GJB1: variants seen among roughly 807,000 people sequenced by gnomAD.
GJB1 encodes the protein gap junction protein beta 1.
GJB1 carries 1 observed loss-of-function variant against 12.0 expected under a neutral mutation model. The ratio of observed to expected loss-of-function variants is 0.08; its 90% CI spans 0.03 to 0.40. The LOEUF is 0.40. Among genes scored for constraint, GJB1 ranks in the 10% least tolerant of loss-of-function variants. The probability of loss-of-function intolerance (pLI) is 0.98; values close to 1 mark genes in which losing one functional copy is unlikely to be tolerated. For missense variants in GJB1, 140 were observed against 250.3 expected, an observed-to-expected ratio of 0.56 and a Z score of 2.97; for synonymous variants, 114 against 102.8, an observed-to-expected ratio of 1.11 and a Z score of -0.66.
Position 71,224,690 on chromosome X carries a change from T to C in GJB1, c.*131T>C. On this transcript the variant is annotated 3_prime_UTR_variant, in exon 2 of 2. Coordinates refer to ENST00000361726, the MANE Select transcript of GJB1 (RefSeq NM_000166.6). ...ATCAAAACCTTCCTTCCCTGGCTAC[T>C]TCCCTTCCTCCCGGGGCCTTCCTTT... is the stretch of plus-strand genomic sequence containing the variant. The C allele has an allele frequency of 1.6e-6, 1 of 618,712 alleles. No homozygotes were observed. Among genetic ancestry groups the C allele is most frequent in the Non-Finnish European group, 2.6e-6 (1 of 382,067 alleles). 51.0% of individuals were successfully genotyped at this position (618,712 alleles called of 1,213,427 possible). A position where few individuals can be genotyped will look rare whatever the true frequency, so the allele number is the denominator to read the frequency against.
Position 71,223,619 on chromosome X carries a change from G to A in GJB1, c.-16-73G>A. ...TCTTGGAAGAGTTGAGGGGGGGTGC[G>A]CAGGCAGTGCTATGGCGCCCGACTT... is the stretch of plus-strand genomic sequence containing the variant. On this transcript the variant is annotated intron_variant, in intron 1 of 1. Coordinates refer to ENST00000361726, the MANE Select transcript of GJB1 (RefSeq NM_000166.6). The A allele has an allele frequency of 1.0e-5, 10 of 985,460 alleles. No individual in the cohort carries two copies. In the Middle Eastern group the frequency reaches 8.0e-4, roughly 79 times the overall value. 81.2% of individuals were successfully genotyped at this position (985,460 alleles called of 1,213,427 possible).
chrX:71,221,444 C>T (rs966121840), upstream of GJB1, among the ~76,000 whole-genome samples: 7 of 110,527 alleles, frequency 6.3e-5, no homozygotes, highest in African/African-American at 2.0e-4. Context: ...TTCTTTCATC[C>T]CATTTCCCAA....
At position 71,224,334 on chromosome X, in the gene GJB1, G is replaced by A; in HGVS notation, c.627G>A (p.Val209=). The change falls in exon 2 of 2, where the codon GTG becomes GTA. Residue 209 remains valine (V), a synonymous_variant. Transcript: ENST00000361726. ...GCATCATCCTCAATGTGGCCGAGGT[G>A]GTGTACCTCATCATCCGGGCCTGTG... is the stretch of plus-strand genomic sequence containing the variant. The part of the protein sequence containing the change: ...GICIILNVAE[V]VYLIIRACAR... The A allele has an allele frequency of 5.0e-6, 6 of 1,209,069 alleles. No homozygotes were observed. Among genetic ancestry groups the A allele is most frequent in the Non-Finnish European group, 5.6e-6 (5 of 895,093 alleles).
At chrX:71,217,247 A>G (rs945527888) in intron 1 of GJB1, among the ~76,000 whole-genome samples, 7 of 112,309 alleles carry the variant, frequency 6.2e-5, no homozygotes, top group Admixed American at 9.5e-5. Context: ...AGCGCCATAT[A>G]CAAAGACTTT....
Position 71,224,535 on chromosome X carries a change from G to C in GJB1, c.828G>C (p.Lys276Asn). The stretch of plus-strand genomic sequence containing the variant: ...GCACCGGGGCTGGGCTGGCTGAAAA[G>C]AGCGACCGCTGCTCGGCCTGCTGAT... ...SPGTGAGLAE[K>N]SDRCSAC The change falls in exon 2 of 2, where the codon AAG (lysine) becomes AAC (asparagine). Residue 276 changes from lysine to asparagine, a missense_variant. Coordinates refer to ENST00000361726, the MANE Select transcript of GJB1 (RefSeq NM_000166.6). 1 of 1,191,418 alleles carries C rather than the reference G, an allele frequency of 8.4e-7. No homozygotes were observed. The highest frequency in any genetic ancestry group is 1.1e-6 in the Non-Finnish European group (1 of 885,312).
chrX:71,224,816 C>A lies in GJB1; in HGVS notation c.*257C>A. 2.3e-6 allele frequency: 1 copy of A among 439,076 alleles called. No individual in the cohort carries two copies. The highest frequency in any genetic ancestry group is 3.9e-5 in the East Asian group (1 of 25,934). The allele number at this position is 439,076 out of a possible 1,213,427, so 36.2% of individuals were successfully genotyped here. A position where few individuals can be genotyped will look rare whatever the true frequency, so the allele number is the denominator to read the frequency against. The stretch of plus-strand genomic sequence containing the variant: ...TGTTGCCTGCACCCTTCCCTCTTCC[C>A]TCTCCCTCTCTCTGGGACCACTGGG... On this transcript the variant is annotated 3_prime_UTR_variant, in exon 2 of 2. Coordinates refer to ENST00000361726, the MANE Select transcript of GJB1 (RefSeq NM_000166.6).
chrX:71,221,490 A>G (rs985418461), upstream of GJB1, among the ~76,000 whole-genome samples: 10 of 109,971 alleles, frequency 9.1e-5, no homozygotes, highest in African/African-American at 3.3e-4. Context: ...CCTTTCCTCT[A>G]CAGCATAGAG....
rs757677225 is a variant in GJB1 at position 71,224,862 on chromosome X, G to A, written c.*303G>A. On this transcript the variant is annotated 3_prime_UTR_variant, in exon 2 of 2. Coordinates refer to ENST00000361726, the MANE Select transcript of GJB1 (RefSeq NM_000166.6). Reference sequence around the variant, plus strand: ...CTGGGTACAAGAGATGGGATGCTCCGACAGCGTCTCCAATTATGAAACTAA... The same window carrying A: ...CTGGGTACAAGAGATGGGATGCTCCAACAGCGTCTCCAATTATGAAACTAA... 1.0e-5 allele frequency: 4 copies of A among 401,441 alleles called. No homozygotes were observed. Among genetic ancestry groups the A allele is most frequent in the South Asian group, 3.8e-5 (1 of 26,415 alleles). 33.1% of individuals were successfully genotyped at this position (401,441 alleles called of 1,213,427 possible).
chrX:71,221,469 G>A (rs2092537917), upstream of GJB1, among the ~76,000 whole-genome samples: 1 of 110,403 alleles, frequency 9.1e-6, no homozygotes, highest in African/African-American at 3.3e-5. Context: ...TGCAGTTGCT[G>A]TTACCCCACC....
At chrX:71,221,044 ATG>A (rs2092536942), upstream of GJB1, among the ~76,000 whole-genome samples, 1 of 107,777 alleles carries the variant, frequency 9.3e-6, no homozygotes, top group South Asian at 4.1e-4. Flanking sequence ...TTACAGGTGC[ATG>A]CCACTACACC....
chrX:71,217,139 T>TGTGTGTGTGTGTGTGTGC (rs1491575067), intron 1 of GJB1, among the ~76,000 whole-genome samples: 18 of 106,678 alleles, frequency 1.7e-4, no homozygotes, highest in African/African-American at 5.5e-4. Flanking sequence ...TGTGTGTGTG[T>TGTGTGTGTGTGTGTGTGC]GCGTGTGCCA....
Position 71,223,673 on chromosome X carries a change from C to G in GJB1, c.-16-19C>G. 1.7e-6 allele frequency: 2 copies of G among 1,207,992 alleles called. No individual in the cohort carries two copies. The highest frequency in any genetic ancestry group is 2.2e-6 in the Non-Finnish European group (2 of 893,849). ...ACCCCAGCTTTCTGACAGCTTGCTT[C>G]ATGGCTGGTGTTTTGCAGGTGTGAA... On this transcript the variant is annotated intron_variant, in intron 1 of 1. Transcript: ENST00000361726.
rs376105523 is a variant in GJB1 at position 71,224,349 on chromosome X, C to A, written c.642C>A (p.Ile214=). Residue 214 remains isoleucine (I), a synonymous_variant, in exon 2 of 2, where the codon ATC becomes ATA. Transcript: ENST00000361726. The part of the protein sequence containing the change: ...LNVAEVVYLI[I]RACARRAQRR... ...TGGCCGAGGTGGTGTACCTCATCAT[C>A]CGGGCCTGTGCCCGCCGAGCCCAGC... 8.3e-7 allele frequency: 1 copy of A among 1,209,587 alleles called. No individual in the cohort carries two copies. Among genetic ancestry groups the A allele is most frequent in the South Asian group, 1.8e-5 (1 of 56,836 alleles).
chrX:71,220,747 C>T (rs939814622), upstream of GJB1, among the ~76,000 whole-genome samples: 9 of 105,346 alleles, frequency 8.5e-5, no homozygotes, highest in African/African-American at 2.5e-4. Flanking sequence ...GTGATCTGCC[C>T]GCCTAAGCCT....
In GJB1 at chrX:71,224,378, G is replaced by T; in HGVS notation, c.671G>T (p.Arg224Leu). The T allele has an allele frequency of 2.5e-6, 3 of 1,210,195 alleles. No individual in the cohort carries two copies. The highest frequency in any genetic ancestry group is 3.5e-5 in the South Asian group (2 of 56,819). The change falls in exon 2 of 2, where the codon CGC becomes CTC. Residue 224 changes from arginine to leucine, a missense_variant. Physicochemically the swap from Arg to Leu is moderately radical, Grantham distance 102. This residue lies in a region of GJB1 where 75 missense variants were observed against 78.8 expected (regional missense o/e 0.95). Transcript: ENST00000361726. The part of the protein sequence containing the change: ...IRACARRAQR[R>L]SNPPSRKGSG... ...GCCTGTGCCCGCCGAGCCCAGCGCC[G>T]CTCCAATCCACCTTCCCGCAAGGGC...
In GJB1 at chrX:71,224,184, C is replaced by T; in HGVS notation, c.477C>T (p.Gly159=). ...FMYVFYLLYP[G]YAMVRLVKCD... ...ATGTCTTTTATCTGCTCTACCCTGGCTATGCCATGGTGCGGCTGGTCAAGT... is the reference window on the plus strand; with the variant it reads ...ATGTCTTTTATCTGCTCTACCCTGGTTATGCCATGGTGCGGCTGGTCAAGT... The change falls in exon 2 of 2, where the codon GGC becomes GGT. Residue 159 remains glycine (G), a synonymous_variant. Coordinates refer to ENST00000361726, the MANE Select transcript of GJB1 (RefSeq NM_000166.6). 8.3e-7 allele frequency: 1 copy of T among 1,207,940 alleles called. No homozygotes were observed. The highest frequency in any genetic ancestry group is 1.8e-5 in the South Asian group (1 of 56,246).
At chrX:71,223,611 G>T in intron 1 of GJB1, 81 bp from the exon 2 acceptor site, 1 of 904,770 alleles carries the variant, frequency 1.1e-6, no homozygotes, top group Non-Finnish European at 1.6e-6. Context: ...AGAGTTGAGG[G>T]GGGGTGCGCA....
Position 71,224,631 on chromosome X carries a change from G to A in GJB1, c.*72G>A, listed in dbSNP as rs774283188. On this transcript the variant is annotated 3_prime_UTR_variant, in exon 2 of 2. Transcript: ENST00000361726. ...GGCGAGCCCCTCCTTCTCCCCTGCC[G>A]GTGCACAGGCCTCTGCCTGCTGGGG... The A allele has an allele frequency of 3.5e-5, 31 of 881,538 alleles. No individual in the cohort carries two copies. In the African/African-American group the frequency reaches 4.0e-4, roughly 11 times the overall value. 72.6% of individuals were successfully genotyped at this position (881,538 alleles called of 1,213,427 possible). A position where few individuals can be genotyped will look rare whatever the true frequency, so the allele number is the denominator to read the frequency against.
At chrX:71,220,766 G>A (rs1311018482), upstream of GJB1, among the ~76,000 whole-genome samples, 2 of 109,126 alleles carry the variant, frequency 1.8e-5, no homozygotes. Flanking sequence ...CTCCCAAAGT[G>A]CTGGGATTGC....
Sources: gnomAD v4.1 joint callset for allele counts (sites outside exome capture counted in the v4.1 genomes callset) on GRCh38, gnomAD v4.1.1 for gene constraint, gnomAD v4.1.1 regional missense constraint, MANE v1.5 for transcripts, NCBI Gene and HGNC (gene_info 2026-07-23, HGNC 2026-07-21) for gene names.